The following UBTD2 variants were observed in gnomAD, a reference collection of about 807,000 sequenced individuals.
UBTD2 encodes the protein ubiquitin domain-containing protein 2.
Under a neutral mutation model 19.8 loss-of-function variants are expected in UBTD2, and 9 were observed. The ratio of observed to expected loss-of-function variants is 0.46; its 90% confidence interval spans 0.27 to 0.79. The LOEUF is 0.79. UBTD2 is among the 30% of genes least tolerant of loss of function. The pLI is 0.14. For synonymous variants in UBTD2, 98 were observed against 103.9 expected (o/e 0.94, Z 0.35); for missense variants, 250 against 300.4 (o/e 0.83, Z 1.24).
chr5:172,221,500 T>C (rs1187208145), intron 2 of UBTD2, among the ~76,000 whole-genome samples: 4 of 152,212 alleles, frequency 2.6e-5, no homozygotes, highest in South Asian at 4.1e-4. Flanking sequence ...AGACCCTATC[T>C]ATAAATAAAT....
At chr5:172,272,081 T>C (rs1755502003) in intron 1 of UBTD2, among the ~76,000 whole-genome samples, 1 of 152,186 alleles carries the variant, frequency 6.6e-6, no homozygotes, top group Admixed American at 6.5e-5. Context: ...TCAACAGAAA[T>C]TCCACTTCAG....
chr5:172,256,475 T>G (rs1021653806), intron 1 of UBTD2, among the ~76,000 whole-genome samples: 1 of 150,744 alleles, frequency 6.6e-6, no homozygotes, highest in East Asian at 2.0e-4. Context: ...TCAAGTATAC[T>G]CCTTTTTTAG....
chr5:172,253,718 C>A (rs937276092), intron 1 of UBTD2, among the ~76,000 whole-genome samples: 1 of 152,010 alleles, frequency 6.6e-6, no homozygotes, highest in Non-Finnish European at 1.5e-5. Flanking sequence ...TCCCAAACTG[C>A]GGGGATTACA....
rs143650890 is a variant in UBTD2 at position 172,268,323 on chromosome 5, A to G, written c.70+15273T>C. On this transcript the variant is annotated intron_variant, in intron 1 of 2. Coordinates refer to ENST00000393792, the MANE Select transcript of UBTD2 (RefSeq NM_152277.3). ...GATTATCCTAGTTGGAACGTAGAAA[A>G]AGAGAAGTGGGCAGAGTGTGGATCT... Among the ~76,000 whole-genome samples the G allele has an allele frequency of 4.0e-3, 613 of 152,268 alleles. 2 individuals are homozygous for G. The highest frequency in any genetic ancestry group is 0.014 in the African/African-American group (579 of 41,538).
chr5:172,267,242 G>A (rs563278878), intron 1 of UBTD2, among the ~76,000 whole-genome samples: 25 of 152,256 alleles, frequency 1.6e-4, no homozygotes, highest in African/African-American at 6.0e-4. Context: ...CTAATATGAA[G>A]ACCATCATGA....
intron 1 of UBTD2, among the ~76,000 whole-genome samples, chr5:172,237,396 A>G (rs957060857): frequency 2.0e-5 from 3 of 152,140 alleles, no homozygotes; most frequent in South Asian, 4.1e-4. Flanking sequence ...CAGGCCCCCA[A>G]TGCATTTTCA....
chr5:172,256,819 G>A (rs1755162659), intron 1 of UBTD2, among the ~76,000 whole-genome samples: 1 of 152,036 alleles, frequency 6.6e-6, no homozygotes, highest in South Asian at 2.1e-4. Context: ...TACTTGGGAG[G>A]CTGAGGCAGG....
chr5:172,214,018 T>C (rs932692799), intron 2 of UBTD2, among the ~76,000 whole-genome samples: 1 of 152,218 alleles, frequency 6.6e-6, no homozygotes, highest in African/African-American at 2.4e-5. Context: ...ACTCCTGACC[T>C]AGGTGATCTG....
chr5:172,234,568 T>C (rs556720171), intron 1 of UBTD2, among the ~76,000 whole-genome samples: 2 of 152,254 alleles, frequency 1.3e-5, no homozygotes, highest in Non-Finnish European at 2.9e-5. Flanking sequence ...GCAAAACAAA[T>C]TGGTAGCTCT....
chr5:172,242,248 A>G (rs1772146598), intron 1 of UBTD2: 1 of 333,248 alleles, frequency 3.0e-6, no homozygotes, highest in Non-Finnish European at 4.3e-6. Flanking sequence ...AGTCTCAGGT[A>G]TTCCTTTATG....
chr5:172,215,934 C>T (rs1282306454), intron 2 of UBTD2, among the ~76,000 whole-genome samples: 6 of 152,120 alleles, frequency 3.9e-5, no homozygotes, highest in Admixed American at 3.9e-4. Flanking sequence ...GAGGTTGAGG[C>T]GGGGGTATCA....
intron 1 of UBTD2, among the ~76,000 whole-genome samples, chr5:172,258,306 T>A (rs974898832): frequency 3.3e-5 from 5 of 152,216 alleles, no homozygotes; most frequent in Admixed American, 1.3e-4. Context: ...TGTAGGTGTG[T>A]GACTTTATTT....
intron 1 of UBTD2, among the ~76,000 whole-genome samples, chr5:172,259,388 G>A (rs946292598): frequency 3.3e-5 from 5 of 151,964 alleles, no homozygotes; most frequent in African/African-American, 7.3e-5. Context: ...TGATCTGCCC[G>A]CCTCAGCCTC....
chr5:172,262,468 A>AAAAAT (rs763651049), intron 1 of UBTD2, among the ~76,000 whole-genome samples: 1 of 143,188 alleles, frequency 7.0e-6, no homozygotes. Flanking sequence ...AAAAAAAAAA[A>AAAAAT]CAAGAAAATG....
At chr5:172,271,956 ATTAC>A (rs1272895241) in intron 1 of UBTD2, among the ~76,000 whole-genome samples, 6 of 152,338 alleles carry the variant, frequency 3.9e-5, no homozygotes, top group African/African-American at 1.4e-4. Context: ...TCACTAATTC[ATTAC>A]TTAGTCAAGC....
intron 1 of UBTD2, among the ~76,000 whole-genome samples, chr5:172,278,434 G>C (rs901636745): frequency 6.6e-6 from 1 of 151,794 alleles, no homozygotes; most frequent in Admixed American, 6.6e-5. Flanking sequence ...CAGGAGAATC[G>C]CTTGAACCTG....
At chr5:172,246,751 C>CCTT (rs1754891155) in intron 1 of UBTD2, among the ~76,000 whole-genome samples, 1 of 62,482 alleles carries the variant, frequency 1.6e-5, no homozygotes, top group Non-Finnish European at 2.8e-5. Flanking sequence ...GCCGAGATTG[C>CCTT]TTTTTTTTTT....
intron 2 of UBTD2, among the ~76,000 whole-genome samples, chr5:172,230,431 G>A (rs1771865871): frequency 6.6e-6 from 1 of 152,204 alleles, no homozygotes; most frequent in Non-Finnish European, 1.5e-5. Context: ...CAGGAAATAA[G>A]ATCATCAGCA....
In UBTD2 at chr5:172,212,101, G is replaced by C. The variant is rs779943774; in HGVS notation, c.434C>G (p.Pro145Arg). Residue 145 changes from proline (P) to arginine (R), a missense_variant, in exon 3 of 3, where the codon CCA becomes CGA. By Grantham distance (103) the Pro-to-Arg change is moderately radical. Coordinates refer to ENST00000393792, the MANE Select transcript of UBTD2 (RefSeq NM_152277.3). ...CTGACATTCATATCCAGAATTGGGT[G>C]GTGGCTCAGGAATATCCAGAGTCTC... ...DIETLDIPEP[P>R]PNSGYECQLR... The C allele has an allele frequency of 6.2e-7, 1 of 1,614,218 alleles. No homozygotes were observed. The highest frequency in any genetic ancestry group is 8.5e-7 in the Non-Finnish European group (1 of 1,180,044).
Sources: gnomAD v4.1 joint callset for allele counts (sites outside exome capture counted in the v4.1 genomes callset) on GRCh38, gnomAD v4.1.1 for gene constraint, MANE v1.5 for transcripts, NCBI Gene and HGNC (gene_info 2026-07-23, HGNC 2026-07-21) for gene names.